BTBD9: variants seen among roughly 807,000 people sequenced by gnomAD.
The protein encoded by BTBD9 is BTB/POZ domain-containing protein 9.
A neutral mutation model predicts 64.3 loss-of-function variants in BTBD9; 49 were observed. The observed-to-expected ratio is 0.76, with a 90% CI of 0.61 to 0.97. BTBD9 has a LOEUF of 0.97. Ranked by LOEUF, BTBD9 falls within the 50% of genes least tolerant of loss-of-function variation. The probability of loss-of-function intolerance (pLI) is 0.00; values close to 1 mark genes in which losing one functional copy is unlikely to be tolerated. For missense variants in BTBD9, 598 were observed against 762.1 expected, an observed-to-expected ratio of 0.78 and a Z score of 2.53; for synonymous variants, 260 against 274.7, an observed-to-expected ratio of 0.95 and a Z score of 0.53.
intron 8 of BTBD9, among the ~76,000 whole-genome samples, chr6:38,275,473 GCAA>G (rs1765352419): frequency 6.6e-6 from 1 of 151,876 alleles, no homozygotes; most frequent in South Asian, 2.1e-4. Flanking sequence ...AAAAGCAATG[GCAA>G]CAAAAGCCAA....
intron 6 of BTBD9, among the ~76,000 whole-genome samples, chr6:38,368,335 CT>C (rs1347727192): frequency 1.3e-5 from 2 of 152,008 alleles, no homozygotes; most frequent in African/African-American, 4.8e-5. Flanking sequence ...CTCCTTTACC[CT>C]TTTTTTAGGG....
intron 9 of BTBD9, among the ~76,000 whole-genome samples, chr6:38,232,254 T>G (rs1275982424): frequency 2.0e-5 from 3 of 151,828 alleles, no homozygotes; most frequent in Non-Finnish European, 2.9e-5. Context: ...GGTCTGGAAA[T>G]GTCCCATAGT....
At chr6:38,439,601 AT>A (rs1308996612) in intron 6 of BTBD9, among the ~76,000 whole-genome samples, 1 of 151,498 alleles carries the variant, frequency 6.6e-6, no homozygotes, top group Non-Finnish European at 1.5e-5. Context: ...TAATTTTTGA[AT>A]TTTTAGTAGA....
chr6:38,524,408 C>T (rs1331074575), intron 6 of BTBD9, among the ~76,000 whole-genome samples: 1 of 151,964 alleles, frequency 6.6e-6, no homozygotes, highest in Non-Finnish European at 1.5e-5. Flanking sequence ...CAGAAAAAAA[C>T]TGAGTAGTCT....
intron 6 of BTBD9, among the ~76,000 whole-genome samples, chr6:38,369,292 C>A (rs952360793): frequency 6.6e-5 from 10 of 152,214 alleles, no homozygotes. Context: ...CAAAATCTGA[C>A]CATTTCTGCT....
chr6:38,475,577 T>C (rs181065485), intron 6 of BTBD9, among the ~76,000 whole-genome samples: 73 of 152,258 alleles, frequency 4.8e-4, no homozygotes, highest in Middle Eastern at 3.4e-3. Flanking sequence ...CAATTCACTG[T>C]TTTCTGGTTT....
At chr6:38,565,105 A>T (rs1241546277) in intron 6 of BTBD9, among the ~76,000 whole-genome samples, 1 of 152,088 alleles carries the variant, frequency 6.6e-6, no homozygotes, top group African/African-American at 2.4e-5. Flanking sequence ...CTCCATATTC[A>T]ATCAATCATA....
At chr6:38,571,686 T>C (rs1775775461) in intron 6 of BTBD9, 1 of 152,228 alleles carries the variant, frequency 6.6e-6, no homozygotes, top group Non-Finnish European at 1.5e-5. Flanking sequence ...GGGCCAGGCA[T>C]GGTGTCTCAC....
chr6:38,573,880 G>A (rs1447779045), intron 6 of BTBD9, among the ~76,000 whole-genome samples: 1 of 152,090 alleles, frequency 6.6e-6, no homozygotes, highest in African/African-American at 2.4e-5. Context: ...ATCTAAGAAA[G>A]CTGTGGAAAG....
chr6:38,304,556 CAAAAA>C (rs1157109972), intron 7 of BTBD9, among the ~76,000 whole-genome samples: 1 of 141,512 alleles, frequency 7.1e-6, no homozygotes, highest in Non-Finnish European at 1.6e-5. Context: ...AAAAAACAAA[CAAAAA>C]AAAAAAAAAA....
chr6:38,300,270 G>A (rs965456211), intron 7 of BTBD9, among the ~76,000 whole-genome samples: 6 of 152,100 alleles, frequency 3.9e-5, no homozygotes, highest in Non-Finnish European at 5.9e-5. Flanking sequence ...GCCTTGTAGT[G>A]TAGTTTGAAG....
intron 9 of BTBD9, among the ~76,000 whole-genome samples, chr6:38,206,620 A>C (rs1363897536): frequency 6.6e-6 from 1 of 152,188 alleles, no homozygotes; most frequent in Non-Finnish European, 1.5e-5. Context: ...TCTGAACGAT[A>C]GTTACATAGT....
intron 7 of BTBD9, among the ~76,000 whole-genome samples, chr6:38,294,537 C>A (rs1762089283): frequency 6.6e-6 from 1 of 152,082 alleles, no homozygotes; most frequent in Non-Finnish European, 1.5e-5. Context: ...TCACTCTCAG[C>A]AAACTAACAC....
intron 6 of BTBD9, among the ~76,000 whole-genome samples, chr6:38,523,735 A>C (rs973605672): frequency 2.0e-5 from 3 of 152,220 alleles, no homozygotes; most frequent in African/African-American, 7.2e-5. Flanking sequence ...CAGGCACTTT[A>C]TAGATAGTAG....
At chr6:38,358,404 G>A (rs1210885898) in intron 6 of BTBD9, among the ~76,000 whole-genome samples, 1 of 152,178 alleles carries the variant, frequency 6.6e-6, no homozygotes, top group African/African-American at 2.4e-5. Flanking sequence ...CCCCAGCTTA[G>A]CCAGCTGCAT....
At chr6:38,287,718 C>A (rs547448930) in intron 8 of BTBD9, among the ~76,000 whole-genome samples, 1 of 152,250 alleles carries the variant, frequency 6.6e-6, no homozygotes, top group East Asian at 1.9e-4. Context: ...TGTGTCTCTG[C>A]CATTAAGCAA....
chr6:38,289,964 C>T (rs192146088), intron 7 of BTBD9, among the ~76,000 whole-genome samples: 1 of 152,062 alleles, frequency 6.6e-6, no homozygotes, highest in Non-Finnish European at 1.5e-5. Flanking sequence ...CCAAAACCTA[C>T]TTACATTCAA....
intron 6 of BTBD9, among the ~76,000 whole-genome samples, chr6:38,529,967 C>T (rs570087607): frequency 7.9e-5 from 12 of 152,076 alleles, no homozygotes; most frequent in Non-Finnish European, 1.5e-4. Flanking sequence ...AGCCTATAAA[C>T]GGACGTGTAA....
At chr6:38,606,735 G>C (rs1777443630) in intron 1 of BTBD9, among the ~76,000 whole-genome samples, 1 of 152,120 alleles carries the variant, frequency 6.6e-6, no homozygotes, top group African/African-American at 2.4e-5. Context: ...TTATAAGCCA[G>C]ACACAGTCCT....
Sources: allele counts gnomAD v4.1 joint callset (sites outside exome capture counted in the v4.1 genomes callset), GRCh38; gene constraint gnomAD v4.1.1; transcripts MANE v1.5; gene names NCBI Gene and HGNC (gene_info 2026-07-23, HGNC 2026-07-21).